The following IMMP2L variants were observed in gnomAD, a reference collection of about 807,000 sequenced individuals.
IMMP2L encodes mitochondrial inner membrane protease subunit 2.
In IMMP2L, 18 loss-of-function variants were observed where a neutral mutation model predicts 19.3. The ratio of observed to expected loss-of-function variants is 0.93; its 90% confidence interval spans 0.64 to 1.38. The LOEUF is 1.38. Among genes scored for constraint, IMMP2L ranks in the 40% most tolerant of loss-of-function variants. The pLI is 0.00. For synonymous variants in IMMP2L, 76 were observed against 73.0 expected (o/e 1.04, Z -0.21); for missense variants, 233 against 218.2 (o/e 1.07, Z -0.43).
At chr7:111,091,625 T>G (rs1337151685) in intron 3 of IMMP2L, 2 of 152,218 alleles carry the variant, frequency 1.3e-5, no homozygotes, top group African/African-American at 2.4e-5. Flanking sequence ...TAAGAGCATT[T>G]TTCTTTTATT....
At chr7:111,061,066 A>G (rs531577352) in intron 3 of IMMP2L, among the ~76,000 whole-genome samples, 7 of 152,238 alleles carry the variant, frequency 4.6e-5, no homozygotes, top group African/African-American at 1.4e-4. Context: ...TCATGGTTGC[A>G]TTCCTAAAAC....
chr7:110,668,891 A>T (rs1791646880), intron 5 of IMMP2L, among the ~76,000 whole-genome samples: 1 of 152,022 alleles, frequency 6.6e-6, no homozygotes, highest in Non-Finnish European at 1.5e-5. Flanking sequence ...GCAGGCAAAG[A>T]GTATAGTGAA....
chr7:110,695,573 A>T (rs1793823532), intron 5 of IMMP2L, among the ~76,000 whole-genome samples: 1 of 152,156 alleles, frequency 6.6e-6, no homozygotes, highest in Admixed American at 6.6e-5. Flanking sequence ...ATAGTCTCAA[A>T]GGTTAAAAAA....
intron 1 of IMMP2L, among the ~76,000 whole-genome samples, chr7:111,533,582 A>T (rs1026033911): frequency 1.3e-5 from 2 of 152,160 alleles, no homozygotes; most frequent in Non-Finnish European, 2.9e-5. Context: ...TATTTGATAA[A>T]GTCGACATTC....
At chr7:110,678,224 A>G (rs1310493914) in intron 5 of IMMP2L, among the ~76,000 whole-genome samples, 1 of 152,126 alleles carries the variant, frequency 6.6e-6, no homozygotes, top group Non-Finnish European at 1.5e-5. Flanking sequence ...TATTTATCCC[A>G]CAGAGTATGC....
rs189933685 is a variant in IMMP2L, at chr7:110,773,024, C to T, written c.409-109303G>A. Among the ~76,000 whole-genome samples the T allele has an allele frequency of 2.0e-3, 297 of 151,880 alleles. 2 individuals are homozygous for T. Among genetic ancestry groups the T allele is most frequent in the African/African-American group, 6.8e-3 (283 of 41,392 alleles). On this transcript the variant is annotated intron_variant, in intron 5 of 5. Coordinates refer to ENST00000405709, the MANE Select transcript of IMMP2L (RefSeq NM_032549.4). The stretch of plus-strand genomic sequence containing the variant: ...ATTACAAACATGGATTTTTAAAAAG[C>T]AATTTAACTTTAAAGCATTGAGGAG...
intron 3 of IMMP2L, among the ~76,000 whole-genome samples, chr7:111,258,545 C>T (rs1490376701): frequency 6.6e-6 from 1 of 151,954 alleles, no homozygotes; most frequent in Non-Finnish European, 1.5e-5. Context: ...CTTGCTCTGT[C>T]GCCCAGGCTG....
chr7:111,368,443 A>G (rs1468517794), intron 3 of IMMP2L, among the ~76,000 whole-genome samples: 3 of 152,000 alleles, frequency 2.0e-5, no homozygotes, highest in Non-Finnish European at 4.4e-5. Context: ...GACTTAGTGT[A>G]TTAAGCAGAA....
chr7:110,859,920 A>T (rs2129542614), intron 5 of IMMP2L, among the ~76,000 whole-genome samples: 1 of 152,240 alleles, frequency 6.6e-6, no homozygotes, highest in Non-Finnish European at 1.5e-5. Flanking sequence ...ATAAAAAATT[A>T]TGAATTGTAC....
intron 5 of IMMP2L, among the ~76,000 whole-genome samples, chr7:110,746,108 A>G (rs987880892): frequency 1.3e-5 from 2 of 152,228 alleles, no homozygotes; most frequent in African/African-American, 4.8e-5. Flanking sequence ...TTGCAATCCT[A>G]GTCTCTGATA....
At chr7:111,220,328 C>G (rs1039951385) in intron 3 of IMMP2L, among the ~76,000 whole-genome samples, 1 of 151,622 alleles carries the variant, frequency 6.6e-6, no homozygotes, top group Non-Finnish European at 1.5e-5. Flanking sequence ...TGTTTGGTTA[C>G]CAGACAAAAA....
At chr7:111,342,705 T>TTA (rs1160351174) in intron 3 of IMMP2L, among the ~76,000 whole-genome samples, 6 of 152,100 alleles carry the variant, frequency 3.9e-5, no homozygotes, top group Admixed American at 2.6e-4. Context: ...GCAAATATAA[T>TTA]TATATATAAT....
At chr7:111,355,052 G>GT (rs985252998) in intron 3 of IMMP2L, among the ~76,000 whole-genome samples, 6 of 151,780 alleles carry the variant, frequency 4.0e-5, no homozygotes, top group Non-Finnish European at 5.9e-5. Context: ...AATGAATTTA[G>GT]TTTTTCCCAA....
chr7:110,914,176 A>G (rs1005509294), intron 4 of IMMP2L, among the ~76,000 whole-genome samples: 2 of 152,160 alleles, frequency 1.3e-5, no homozygotes, highest in Non-Finnish European at 2.9e-5. Flanking sequence ...CACACTGGTA[A>G]AGTGATGTTT....
chr7:111,397,604 G>A (rs1296681381), intron 3 of IMMP2L, among the ~76,000 whole-genome samples: 4 of 152,116 alleles, frequency 2.6e-5, no homozygotes, highest in African/African-American at 9.7e-5. Flanking sequence ...TATGATGGAT[G>A]AAAAAGTATG....
In IMMP2L at chr7:110,760,452, T is replaced by C. The variant is rs986407355; in HGVS notation, c.409-96731A>G. On this transcript the variant is annotated intron_variant, in intron 5 of 5. Transcript: ENST00000405709. The surrounding 1 kb of genome is among the most constrained non-coding windows in gnomAD (Gnocchi z 4.2). Reference sequence around the variant, plus strand: ...AGTTGTTTGTTTAGGTAAATTACATTAAAGGTCAGAAATGAAATGCCCATA... The same window carrying C: ...AGTTGTTTGTTTAGGTAAATTACATCAAAGGTCAGAAATGAAATGCCCATA... Among the ~76,000 whole-genome samples, 2 of 152,152 alleles carry C rather than the reference T, an allele frequency of 1.3e-5. No individual in the cohort carries two copies. The highest frequency in any genetic ancestry group is 4.8e-5 in the African/African-American group (2 of 41,464).
chr7:111,256,860 C>T (rs953498560), intron 3 of IMMP2L, among the ~76,000 whole-genome samples: 3 of 152,014 alleles, frequency 2.0e-5, no homozygotes, highest in South Asian at 2.1e-4. Flanking sequence ...AGACAAAAAA[C>T]GCAAAGGCAA....
intron 5 of IMMP2L, among the ~76,000 whole-genome samples, chr7:110,700,395 C>T (rs920100326): frequency 7.5e-6 from 1 of 133,302 alleles, no homozygotes; most frequent in Non-Finnish European, 1.7e-5. Context: ...ATCCCAAACC[C>T]GCATATACTG....
chr7:111,054,642 G>T (rs774432391), intron 3 of IMMP2L, among the ~76,000 whole-genome samples: 5 of 152,204 alleles, frequency 3.3e-5, no homozygotes, highest in Non-Finnish European at 7.3e-5. Flanking sequence ...ACAACGATCA[G>T]AAATGCCTTC....
Sources: allele counts gnomAD v4.1 joint callset (sites outside exome capture counted in the v4.1 genomes callset), GRCh38; gene constraint gnomAD v4.1.1; non-coding constraint Gnocchi (gnomAD v3.1); transcripts MANE v1.5; gene names NCBI Gene and HGNC (gene_info 2026-07-23, HGNC 2026-07-21).